Variants in PRKN observed in about 807,000 individuals in gnomAD.
PRKN encodes parkin RBR E3 ubiquitin protein ligase, also known as E3 ubiquitin-protein ligase parkin.
A neutral mutation model predicts 59.5 loss-of-function variants in PRKN; 56 were observed. The ratio of observed to expected loss-of-function variants is 0.94; its 90% CI spans 0.76 to 1.18. The LOEUF is 1.18. Ranked by LOEUF, PRKN falls within the 50% of genes most tolerant of loss-of-function variation. The pLI is 0.00. For synonymous variants in PRKN, 250 were observed against 222.1 expected (o/e 1.13, Z -1.12); for missense variants, 657 against 596.4 (o/e 1.10, Z -1.06).
At chr6:162,668,865 G>C (rs1779209478) in intron 1 of PRKN, among the ~76,000 whole-genome samples, 1 of 152,092 alleles carries the variant, frequency 6.6e-6, no homozygotes, top group African/African-American at 2.4e-5. Context: ...CTGCTTTCTA[G>C]GCATTTACTT....
intron 9 of PRKN, among the ~76,000 whole-genome samples, chr6:161,531,928 A>G (rs1779227674): frequency 6.6e-6 from 1 of 152,170 alleles, no homozygotes; most frequent in African/African-American, 2.4e-5. Flanking sequence ...GGATACATAG[A>G]AAAAGTCTTT....
intron 1 of PRKN, among the ~76,000 whole-genome samples, chr6:162,669,944 T>A (rs751127917): frequency 3.3e-5 from 5 of 152,150 alleles, no homozygotes; most frequent in Non-Finnish European, 7.4e-5. Flanking sequence ...AATTAATAAA[T>A]CACCAAGGAA....
intron 8 of PRKN, among the ~76,000 whole-genome samples, chr6:161,565,101 C>T (rs894726764): frequency 6.6e-6 from 1 of 152,126 alleles, no homozygotes; most frequent in Non-Finnish European, 1.5e-5. Flanking sequence ...ATTTCATGGT[C>T]GGTCATAATC....
chr6:161,895,622 CTGTTATG>C (rs1777594161), intron 6 of PRKN, among the ~76,000 whole-genome samples: 2 of 116,210 alleles, frequency 1.7e-5, no homozygotes, highest in South Asian at 3.0e-4. Context: ...ACCCCACCTG[CTGTTATG>C]CTCCCCAGTG....
chr6:161,411,028 T>A (rs1031571232), intron 9 of PRKN, among the ~76,000 whole-genome samples: 10 of 152,118 alleles, frequency 6.6e-5, no homozygotes, highest in African/African-American at 9.7e-5. Context: ...ATTTTTCAGA[T>A]AAAAAACCTA....
At chr6:162,550,463 G>A (rs752599428) in intron 1 of PRKN, among the ~76,000 whole-genome samples, 28 of 152,152 alleles carry the variant, frequency 1.8e-4, no homozygotes, top group Non-Finnish European at 3.7e-4. Context: ...CCGTTTGGGG[G>A]ATGGGCAGAT....
At chr6:162,375,690 A>C (rs1250641887) in intron 2 of PRKN, among the ~76,000 whole-genome samples, 1 of 151,904 alleles carries the variant, frequency 6.6e-6, no homozygotes, top group East Asian at 1.9e-4. Context: ...ATGGTTTTGA[A>C]AATTCCTTAG....
chr6:162,474,510 G>A (rs551348498), intron 1 of PRKN, among the ~76,000 whole-genome samples: 1 of 152,020 alleles, frequency 6.6e-6, no homozygotes, highest in Non-Finnish European at 1.5e-5. Context: ...TGGTTTCCCA[G>A]GAAATCACAG....
intron 9 of PRKN, among the ~76,000 whole-genome samples, chr6:161,452,891 A>T (rs976049857): frequency 5.3e-5 from 8 of 151,376 alleles, no homozygotes; most frequent in East Asian, 1.9e-4. Flanking sequence ...TATATATTTT[A>T]TATATATATA....
intron 6 of PRKN, among the ~76,000 whole-genome samples, chr6:161,827,005 G>A (rs1178454488): frequency 1.3e-5 from 2 of 152,174 alleles, no homozygotes; most frequent in African/African-American, 4.8e-5. Flanking sequence ...TCTTCACAAT[G>A]GGGAGGCTTA....
intron 5 of PRKN, among the ~76,000 whole-genome samples, chr6:162,021,461 A>ATATATATATTTT (rs59250759): frequency 8.1e-5 from 2 of 24,668 alleles, no homozygotes; most frequent in African/African-American, 1.8e-4. Flanking sequence ...ATATATATAT[A>ATATATATATTTT]TTTTTTTTTT....
At chr6:161,898,776 T>C (rs1260106247) in intron 6 of PRKN, among the ~76,000 whole-genome samples, 1 of 152,166 alleles carries the variant, frequency 6.6e-6, no homozygotes, top group Non-Finnish European at 1.5e-5. Context: ...TGATTCCCCC[T>C]CCCTAGGCTG....
At chr6:162,179,793 A>T (rs1197032283) in intron 4 of PRKN, among the ~76,000 whole-genome samples, 1 of 152,104 alleles carries the variant, frequency 6.6e-6, no homozygotes, top group Non-Finnish European at 1.5e-5. Context: ...CCAAGGGGAA[A>T]GGCTTCCTCC....
chr6:162,482,040 C>T (rs182171757), intron 1 of PRKN, among the ~76,000 whole-genome samples: 5 of 152,218 alleles, frequency 3.3e-5, no homozygotes, highest in African/African-American at 1.2e-4. Context: ...TCTTACCTTC[C>T]AGCATGCTTA....
chr6:162,218,586 T>C (rs1055675567), intron 3 of PRKN, among the ~76,000 whole-genome samples: 6 of 152,092 alleles, frequency 3.9e-5, no homozygotes, highest in African/African-American at 1.2e-4. Context: ...ACCAGGGAAA[T>C]TGCATGCATA....
chr6:161,891,997 C>A (rs553336294), intron 6 of PRKN, among the ~76,000 whole-genome samples: 1 of 152,312 alleles, frequency 6.6e-6, no homozygotes, highest in Admixed American at 6.5e-5. Context: ...CAATACATTT[C>A]CTTTGCATCC....
intron 4 of PRKN, among the ~76,000 whole-genome samples, chr6:162,167,753 A>G (rs1393814531): frequency 6.6e-6 from 1 of 151,182 alleles, no homozygotes; most frequent in Non-Finnish European, 1.5e-5. Context: ...GGGGAAAAAA[A>G]GTCATGGACT....
chr6:161,536,504 T>A (rs984629809), intron 9 of PRKN, among the ~76,000 whole-genome samples: 5 of 152,144 alleles, frequency 3.3e-5, no homozygotes, highest in Non-Finnish European at 7.3e-5. Flanking sequence ...GTGTACAGTC[T>A]GTCTGCTGTG....
intron 7 of PRKN, among the ~76,000 whole-genome samples, chr6:161,618,274 T>C (rs561505768): frequency 2.6e-5 from 4 of 152,356 alleles, no homozygotes; most frequent in Non-Finnish European, 5.9e-5. Flanking sequence ...AAGGAGTTAT[T>C]TGGTTTGATA....
Sources: allele counts gnomAD v4.1 joint callset (sites outside exome capture counted in the v4.1 genomes callset), GRCh38; gene constraint gnomAD v4.1.1; transcripts MANE v1.5; gene names NCBI Gene and HGNC (gene_info 2026-07-23, HGNC 2026-07-21).